The following UTRN variants were observed in gnomAD, a reference collection of about 807,000 sequenced individuals.
UTRN encodes utrophin.
In UTRN, 283 loss-of-function variants were observed where a neutral mutation model predicts 463.9. The observed-to-expected ratio is 0.61, with a 90% CI of 0.55 to 0.67. UTRN has a LOEUF of 0.67. UTRN is among the 30% of genes least tolerant of loss of function. The pLI, the probability that UTRN is intolerant of heterozygous loss-of-function variation, is 0.00. For missense variants in UTRN, 3,922 were observed against 4,084.3 expected, an observed-to-expected ratio of 0.96 and a Z score of 1.08; for synonymous variants, 1,442 against 1,431.5, an observed-to-expected ratio of 1.01 and a Z score of -0.17.
At chr6:144,541,111 A>G (rs539005189) in intron 45 of UTRN, among the ~76,000 whole-genome samples, 1 of 152,332 alleles carries the variant, frequency 6.6e-6, no homozygotes, top group Non-Finnish European at 1.5e-5. Context: ...AGCAGCCAAT[A>G]TGATTGGTTA....
intron 51 of UTRN, among the ~76,000 whole-genome samples, chr6:144,609,570 T>G (rs753928637): frequency 6.6e-6 from 1 of 152,182 alleles, no homozygotes; most frequent in Non-Finnish European, 1.5e-5. Context: ...GGACTTGAAT[T>G]GCAGTATAGA....
intron 54 of UTRN, among the ~76,000 whole-genome samples, chr6:144,740,053 T>C (rs1326182154): frequency 6.6e-6 from 1 of 152,148 alleles, no homozygotes; most frequent in Admixed American, 6.5e-5. Context: ...AATAATTCCT[T>C]GAAGGGTGAA....
At chr6:144,751,219 A>G (rs949115809) in intron 55 of UTRN, among the ~76,000 whole-genome samples, 2 of 152,226 alleles carry the variant, frequency 1.3e-5, no homozygotes, top group Non-Finnish European at 2.9e-5. Flanking sequence ...AATACAAACT[A>G]AAGATAGAAT....
intron 51 of UTRN, among the ~76,000 whole-genome samples, chr6:144,592,955 A>G (rs755630907): frequency 6.6e-6 from 1 of 152,204 alleles, no homozygotes; most frequent in Non-Finnish European, 1.5e-5. Context: ...AGTTTCTAAA[A>G]TGGGATGCAA....
chr6:144,293,030 A>C (rs1804386041), intron 2 of UTRN, among the ~76,000 whole-genome samples: 1 of 152,170 alleles, frequency 6.6e-6, no homozygotes, highest in Non-Finnish European at 1.5e-5. Flanking sequence ...GGTCTTTTGA[A>C]GGTATAGCTT....
At chr6:144,554,045 A>G (rs149089228) in intron 48 of UTRN, among the ~76,000 whole-genome samples, 55 of 152,312 alleles carry the variant, frequency 3.6e-4, no homozygotes, top group Admixed American at 2.7e-3. Context: ...AGTGAAAGGA[A>G]TGAACAATAA....
At position 144,818,077 on chromosome 6, in the gene UTRN, G is replaced by GGT. The variant is rs1779240004; in HGVS notation, c.9358-2805_9358-2804insGT. Among the ~76,000 whole-genome samples the GGT allele has an allele frequency of 6.6e-5, 10 of 152,138 alleles. No homozygotes were observed. The South Asian group carries it at 1.9e-3, about 28-fold the overall frequency. On this transcript the variant is annotated intron_variant, in intron 65 of 74. Transcript: ENST00000367545. Reference sequence around the variant, plus strand: ...GCTGTGGAATTGAACTGGCACTTTTGAATAATTTGTCATTTTTTTCACAAG... The same window carrying GGT: ...GCTGTGGAATTGAACTGGCACTTTTGGTAATAATTTGTCATTTTTTTCACAAG...
chr6:144,504,232 C>T (rs1425094344), intron 34 of UTRN, among the ~76,000 whole-genome samples: 2 of 152,112 alleles, frequency 1.3e-5, no homozygotes, highest in African/African-American at 4.8e-5. Flanking sequence ...CGCTTTATTT[C>T]TTTCTCTTTC....
intron 2 of UTRN, among the ~76,000 whole-genome samples, chr6:144,292,853 G>A (rs589892): frequency 0.52 from 79,802 of 152,024 alleles, 22,787 homozygotes; most frequent in African/African-American, 0.76. Context: ...TTAGGAGCTT[G>A]TTTCTTATTA....
intron 13 of UTRN, among the ~76,000 whole-genome samples, chr6:144,443,487 C>A (rs1471508837): frequency 6.6e-6 from 1 of 152,040 alleles, no homozygotes; most frequent in Admixed American, 6.6e-5. Context: ...AAAGCTTATT[C>A]TCATATTAAG....
Position 144,421,988 on chromosome 6 carries a change from G to T in UTRN, c.234+18G>T, listed in dbSNP as rs1387821650. ...CATCACTGGTGAGCAAGTCATCTTT[G>T]TAAACAACGGAGTCTCCGGTCATTG... On this transcript the variant is annotated intron_variant, in intron 4 of 74. Transcript: ENST00000367545. 1 of 1,598,882 alleles carries T rather than the reference G, an allele frequency of 6.3e-7. No homozygotes were observed. The highest frequency in any genetic ancestry group is 2.3e-5 in the East Asian group (1 of 43,986).
At chr6:144,634,735 TC>T (rs770527250) in intron 51 of UTRN, among the ~76,000 whole-genome samples, 72 of 152,318 alleles carry the variant, frequency 4.7e-4, no homozygotes, top group Middle Eastern at 3.4e-3. Flanking sequence ...TGTTTGCCAT[TC>T]TGAGTATTTC....
chr6:144,536,895 T>C (rs961487605), intron 43 of UTRN, among the ~76,000 whole-genome samples: 1 of 152,104 alleles, frequency 6.6e-6, no homozygotes, highest in Non-Finnish European at 1.5e-5. Context: ...AAAGATCTAA[T>C]TGAGGCAGTT....
rs1781063174 is a variant in UTRN at position 144,835,918 on chromosome 6, T to C, written c.9804T>C (p.Ala3268=). 1.9e-6 allele frequency: 3 copies of C among 1,614,002 alleles called. No homozygotes were observed. The highest frequency in any genetic ancestry group is 2.5e-6 in the Non-Finnish European group (3 of 1,179,994). Residue 3268 remains alanine (A), a synonymous_variant, in exon 70 of 75, where the codon GCT becomes GCC. Coordinates refer to ENST00000367545, the MANE Select transcript of UTRN (RefSeq NM_007124.3). ...GTGGAGAACTGGAGAGGATCATTGC[T>C]GACCTGGAGGAAGAACAAAGGTGTG... The part of the protein sequence containing the change: ...EERGELERII[A]DLEEEQRNLQ...
intron 9 of UTRN, among the ~76,000 whole-genome samples, chr6:144,430,203 C>T (rs1785672240): frequency 6.6e-6 from 1 of 151,972 alleles, no homozygotes; most frequent in African/African-American, 2.4e-5. Flanking sequence ...TTTTCCCTTT[C>T]CTTTAGGAGG....
intron 33 of UTRN, among the ~76,000 whole-genome samples, chr6:144,498,146 T>C (rs1793836920): frequency 1.3e-5 from 2 of 152,340 alleles, no homozygotes; most frequent in Middle Eastern, 3.4e-3. Context: ...TCAGTTGCCA[T>C]TGGGGTCATT....
At chr6:144,691,313 C>T (rs1009712803) in intron 52 of UTRN, among the ~76,000 whole-genome samples, 3 of 152,170 alleles carry the variant, frequency 2.0e-5, no homozygotes, top group African/African-American at 4.8e-5. Flanking sequence ...GACAAGGTTT[C>T]GCCATATTGG....
intron 54 of UTRN, among the ~76,000 whole-genome samples, chr6:144,745,883 ATCAT>A (rs2128721408): frequency 6.6e-6 from 1 of 152,204 alleles, no homozygotes; most frequent in African/African-American, 2.4e-5. Flanking sequence ...CAGGTGTTTA[ATCAT>A]AAAAGTTACC....
intron 51 of UTRN, among the ~76,000 whole-genome samples, chr6:144,641,965 T>A (rs967685288): frequency 6.6e-6 from 1 of 152,194 alleles, no homozygotes; most frequent in African/African-American, 2.4e-5. Context: ...TAAAATCTAG[T>A]AAGGTATGTA....
Sources: allele counts gnomAD v4.1 joint callset (sites outside exome capture counted in the v4.1 genomes callset), GRCh38; gene constraint gnomAD v4.1.1; transcripts MANE v1.5; gene names NCBI Gene and HGNC (gene_info 2026-07-23, HGNC 2026-07-21).